Variants in HPS4 observed in about 807,000 individuals in gnomAD.
HPS4 encodes the protein BLOC-3 complex member HPS4.
HPS4 carries 44 observed loss-of-function variants against 70.3 expected under a neutral mutation model. The observed-to-expected ratio is 0.63, with a 90% confidence interval of 0.49 to 0.80. The LOEUF is 0.80. Ranked by LOEUF, HPS4 falls within the 30% of genes least tolerant of loss-of-function variation. The pLI, the probability that HPS4 is intolerant of heterozygous loss-of-function variation, is 0.00. For synonymous variants in HPS4, 377 were observed against 355.9 expected (o/e 1.06, Z -0.67); for missense variants, 873 against 884.4 (o/e 0.99, Z 0.16).
intron 13 of HPS4, chr22:26,453,725 A>G (rs2146253767): frequency 2.5e-6 from 1 of 404,726 alleles, no homozygotes; most frequent in East Asian, 5.7e-5. Flanking sequence ...ACTGGCAGCT[A>G]TGCAATGTGC....
At chr22:26,466,017 G>A (rs571112907) in intron 9 of HPS4, 14 of 1,500,700 alleles carry the variant, frequency 9.3e-6, no homozygotes, top group Middle Eastern at 3.4e-4. Flanking sequence ...CTGAAAGCAG[G>A]GATTTGACAG....
intron 11 of HPS4, among the ~76,000 whole-genome samples, chr22:26,462,639 C>A (rs944934095): frequency 1.3e-5 from 2 of 152,142 alleles, no homozygotes; most frequent in African/African-American, 4.8e-5. Context: ...GGTATTATAT[C>A]CACTTTATTG....
Position 26,452,225 on chromosome 22 carries a change from A to C in HPS4, c.*1008T>G, listed in dbSNP as rs2085337772. On this transcript the variant is annotated 3_prime_UTR_variant, in exon 14 of 14. Transcript: ENST00000398145. The stretch of plus-strand genomic sequence containing the variant: ...TATTAACAATACAACTCTCAAATGG[A>C]ATCTCAAGTACTTCCAGTAAACATT... 1 of 383,844 alleles carries C rather than the reference A, an allele frequency of 2.6e-6. No homozygotes were observed. Among genetic ancestry groups the C allele is most frequent in the African/African-American group, 2.1e-5 (1 of 47,768 alleles). 23.8% of individuals were successfully genotyped at this position (383,844 alleles called of 1,614,324 possible). A position where few individuals can be genotyped will look rare whatever the true frequency, so the allele number is the denominator to read the frequency against.
In HPS4 at chr22:26,479,283, A is replaced by G; in HGVS notation, c.114T>C (p.Cys38=). The change falls in exon 3 of 14, where the codon TGT becomes TGC. Residue 38 remains cysteine, a synonymous_variant. Coordinates refer to ENST00000398145, the MANE Select transcript of HPS4 (RefSeq NM_022081.6). The part of the protein sequence containing the change: ...EEGDPTRAGI[C]YFYPSQTLLD... ...GGCTTACCTGGGAAGGATAAAAGTAACAAATGCCAGCTCTTGTTGGATCGC... is the reference window on the plus strand; with the variant it reads ...GGCTTACCTGGGAAGGATAAAAGTAGCAAATGCCAGCTCTTGTTGGATCGC... The G allele has an allele frequency of 5.6e-6, 9 of 1,614,240 alleles. No homozygotes were observed. The highest frequency in any genetic ancestry group is 6.8e-6 in the Non-Finnish European group (8 of 1,180,040).
At chr22:26,461,173 T>C (rs138254580) in intron 11 of HPS4, among the ~76,000 whole-genome samples, 1 of 152,346 alleles carries the variant, frequency 6.6e-6, no homozygotes, top group East Asian at 1.9e-4. Context: ...GAGCAATGCA[T>C]GGAACACACA....
intron 2 of HPS4, among the ~76,000 whole-genome samples, chr22:26,480,384 G>A (rs2091157240): frequency 6.6e-6 from 1 of 151,998 alleles, no homozygotes; most frequent in Non-Finnish European, 1.5e-5. Flanking sequence ...ATATTGCCCA[G>A]GCTGGTCTCA....
In HPS4 at chr22:26,482,002, AG is replaced by A; in HGVS notation, c.-241del. On this transcript the variant is annotated 5_prime_UTR_variant, in exon 2 of 14. An upstream open reading frame in the 5' UTR loses its in-frame stop. Coordinates refer to ENST00000398145, the MANE Select transcript of HPS4 (RefSeq NM_022081.6). The stretch of plus-strand genomic sequence containing the variant: ...TTTCCATGCCTCTTACAACTCAGGG[AG>A]AAACTATAACAGAGAATCCTAGCAG... 1.8e-6 allele frequency: 1 copy of A among 545,178 alleles called. No homozygotes were observed. The highest frequency in any genetic ancestry group is 3.3e-6 in the Non-Finnish European group (1 of 302,182). The allele number at this position is 545,178 out of a possible 1,614,324, so 33.8% of individuals were successfully genotyped here.
At chr22:26,461,730 C>A (rs895022278) in intron 11 of HPS4, among the ~76,000 whole-genome samples, 3 of 152,204 alleles carry the variant, frequency 2.0e-5, no homozygotes, top group Non-Finnish European at 4.4e-5. Flanking sequence ...AAAAGGCAAT[C>A]AAACACCTCT....
At chr22:26,461,956 G>A (rs895054780) in intron 11 of HPS4, among the ~76,000 whole-genome samples, 17 of 151,926 alleles carry the variant, frequency 1.1e-4, no homozygotes, top group Admixed American at 1.1e-3. Flanking sequence ...GAGAAACCCC[G>A]TCTCTACTAA....
At chr22:26,474,714 A>G (rs2090289421) in intron 4 of HPS4, among the ~76,000 whole-genome samples, 1 of 152,238 alleles carries the variant, frequency 6.6e-6, no homozygotes, top group Non-Finnish European at 1.5e-5. Context: ...TCTAGGATAT[A>G]AAAAGAACTA....
At position 26,452,262 on chromosome 22, in the gene HPS4, T is replaced by C. The variant is rs2085343709; in HGVS notation, c.*971A>G. The stretch of plus-strand genomic sequence containing the variant: ...TTCCAGTAAACATTCAGTTAAGATT[T>C]TGACAAATATTTTCATCCTGCAGTC... On this transcript the variant is annotated 3_prime_UTR_variant, in exon 14 of 14. Transcript: ENST00000398145. 4.6e-6 allele frequency: 2 copies of C among 431,946 alleles called. No homozygotes were observed. The highest frequency in any genetic ancestry group is 3.3e-5 in the South Asian group (2 of 59,884). The allele number at this position is 431,946 out of a possible 1,614,324, so 26.8% of individuals were successfully genotyped here. A position where few individuals can be genotyped will look rare whatever the true frequency, so the allele number is the denominator to read the frequency against.
intron 9 of HPS4, 24 bp downstream of exon 9, chr22:26,466,202 G>A: frequency 1.2e-6 from 2 of 1,614,054 alleles, no homozygotes; most frequent in Non-Finnish European, 1.7e-6. Context: ...TTCTCAAGAG[G>A]CAACCATGCG....
rs386395106 is a variant in HPS4 at position 26,457,210 on chromosome 22, C to CCTTTTTTTTTTTTTTTTTTTTTTTTTTTT, written c.1955+648_1955+649insAAAAAAAAAAAAAAAAAAAAAAAAAAAAG. ...ATGACTGTATGATCAGCACGTATTA[C>CCTTTTTTTTTTTTTTTTTTTTTTTTTTTT]TTTTTTTTTTTTTTTTTTTTTTCTG... On this transcript the variant is annotated intron_variant, in intron 13 of 13. Transcript: ENST00000398145. 1.6e-4 allele frequency among the ~76,000 whole-genome samples: 4 copies of CCTTTTTTTTTTTTTTTTTTTTTTTTTTTT among 25,554 alleles called. 2 individuals are homozygous for CCTTTTTTTTTTTTTTTTTTTTTTTTTTTT. The highest frequency in any genetic ancestry group is 1.5e-4 in the African/African-American group (2 of 13,398). The allele number at this position is 25,554 out of a possible 152,430, so 16.8% of individuals were successfully genotyped here. A position where few individuals can be genotyped will look rare whatever the true frequency, so the allele number is the denominator to read the frequency against.
In HPS4 at chr22:26,479,275, T is replaced by C. The variant is rs773369379; in HGVS notation, c.122A>G (p.Tyr41Cys). 1 of 1,614,162 alleles carries C rather than the reference T, an allele frequency of 6.2e-7. No homozygotes were observed. Among genetic ancestry groups the C allele is most frequent in the Non-Finnish European group, 8.5e-7 (1 of 1,180,016 alleles). ...DPTRAGICYFYPSQTLLDQQE... is the reference protein window; with the variant it reads ...DPTRAGICYFCPSQTLLDQQE... ...TGCTGTGTGGCTTACCTGGGAAGGA[T>C]AAAAGTAACAAATGCCAGCTCTTGT... The change falls in exon 3 of 14, where the codon TAT becomes TGT. Residue 41 changes from tyrosine to cysteine, a missense_variant. Physicochemically the swap from Tyr to Cys is radical, Grantham distance 194. Coordinates refer to ENST00000398145, the MANE Select transcript of HPS4 (RefSeq NM_022081.6).
At chr22:26,459,113 A>G (rs1208945502) in intron 11 of HPS4, among the ~76,000 whole-genome samples, 1 of 152,160 alleles carries the variant, frequency 6.6e-6, no homozygotes, top group Non-Finnish European at 1.5e-5. Flanking sequence ...ACCATCCCGC[A>G]TTGTTTCTCA....
chr22:26,469,092 G>A (rs112971819), intron 7 of HPS4, among the ~76,000 whole-genome samples: 2,415 of 152,080 alleles, frequency 0.016, 32 homozygotes, highest in Non-Finnish European at 0.025. Flanking sequence ...TGTACCAGTG[G>A]GGACAAACAC....
chr22:26,459,767 G>T (rs2086881175), intron 11 of HPS4, among the ~76,000 whole-genome samples: 1 of 152,216 alleles, frequency 6.6e-6, no homozygotes, highest in South Asian at 2.1e-4. Context: ...ACTATTGAGT[G>T]ACTTAAATGA....
chr22:26,458,363 T>A, intron 12 of HPS4, 82 bp downstream of exon 12: 1 of 1,547,552 alleles, frequency 6.5e-7, no homozygotes, highest in Non-Finnish European at 8.9e-7. Flanking sequence ...CGTGTCATCA[T>A]GATGCTGGGG....
At chr22:26,479,827 A>C (rs1214590079) in intron 2 of HPS4, 1 of 350,946 alleles carries the variant, frequency 2.8e-6, no homozygotes, top group Non-Finnish European at 4.1e-6. Flanking sequence ...CTGAGGGCCC[A>C]CAGTGTGCTC....
Sources: allele counts gnomAD v4.1 joint callset (sites outside exome capture counted in the v4.1 genomes callset), GRCh38; gene constraint gnomAD v4.1.1; transcripts MANE v1.5; gene names NCBI Gene and HGNC (gene_info 2026-07-23, HGNC 2026-07-21).